The following CCDC141 variants were observed in gnomAD, a reference collection of about 807,000 sequenced individuals.
CCDC141 encodes coiled-coil domain-containing protein 141.
CCDC141 carries 168 observed loss-of-function variants against 181.0 expected under a neutral mutation model. The ratio of observed to expected loss-of-function variants is 0.93; its 90% CI spans 0.82 to 1.05. CCDC141 has a LOEUF of 1.05. Ranked by LOEUF, CCDC141 falls within the 50% of genes least tolerant of loss-of-function variation. CCDC141 has a pLI of 0.00. For missense variants in CCDC141, 1,902 were observed against 1,788.5 expected, an observed-to-expected ratio of 1.06 and a Z score of -1.14; for synonymous variants, 666 against 642.3, an observed-to-expected ratio of 1.04 and a Z score of -0.56.
intron 7 of CCDC141, among the ~76,000 whole-genome samples, chr2:178,914,718 T>G (rs1342098778): frequency 6.6e-6 from 1 of 152,202 alleles, no homozygotes; most frequent in Non-Finnish European, 1.5e-5. Context: ...TTTAGAACAA[T>G]GCCTGACACA....
At chr2:178,985,212 G>A (rs981770489) in intron 2 of CCDC141, among the ~76,000 whole-genome samples, 2 of 151,526 alleles carry the variant, frequency 1.3e-5, no homozygotes, top group East Asian at 1.9e-4. Context: ...GCTCCTGAAT[G>A]ACTACTGGGT....
intron 4 of CCDC141, among the ~76,000 whole-genome samples, chr2:178,972,644 C>A (rs896996463): frequency 5.3e-5 from 8 of 152,090 alleles, no homozygotes; most frequent in Non-Finnish European, 1.2e-4. Flanking sequence ...TTGAGGGCAA[C>A]CAGGCCAGTA....
chr2:178,986,905 T>C (rs1009977758), intron 2 of CCDC141, among the ~76,000 whole-genome samples: 23 of 152,004 alleles, frequency 1.5e-4, no homozygotes, highest in South Asian at 1.0e-3. Context: ...AGGTAATTTA[T>C]AGATTCAATG....
At chr2:178,983,177 A>T (rs1691521251) in intron 2 of CCDC141, among the ~76,000 whole-genome samples, 1 of 152,170 alleles carries the variant, frequency 6.6e-6, no homozygotes, top group Non-Finnish European at 1.5e-5. Flanking sequence ...GACCAGCCTA[A>T]CTGGGAGGCA....
Position 178,865,885 on chromosome 2 carries a change from T to C in CCDC141, c.2606A>G (p.Gln869Arg), listed in dbSNP as rs529827464. 9.1e-5 allele frequency: 146 copies of C among 1,597,226 alleles called. 1 individual carries two copies. In the South Asian group the frequency reaches 1.4e-3, roughly 16 times the overall value. Residue 869 changes from glutamine (Q) to arginine (R), a missense_variant, in exon 17 of 24, where the codon CAG becomes CGG. Coordinates refer to ENST00000443758, the MANE Select transcript of CCDC141 (RefSeq NM_173648.4). ...HCSNVSAKNL[Q>R]QQLELLEEDS... The stretch of plus-strand genomic sequence containing the variant: ...CTCCTCAAGGAGCTCCAGCTGCTGC[T>C]GTAGGTTCTTTGCAGAAACATTAGA...
chr2:178,953,931 T>A (rs559606111), intron 5 of CCDC141, among the ~76,000 whole-genome samples: 1 of 152,350 alleles, frequency 6.6e-6, no homozygotes, highest in South Asian at 2.1e-4. Flanking sequence ...ATCTCTAATA[T>A]CATTTACATT....
chr2:178,874,380 A>G (rs1055592012), intron 12 of CCDC141: 20 of 152,228 alleles, frequency 1.3e-4, no homozygotes, highest in African/African-American at 4.6e-4. Context: ...GCACAGTAGT[A>G]AAATATATGC....
chr2:178,957,155 G>C (rs1241517263), intron 5 of CCDC141, among the ~76,000 whole-genome samples: 1 of 152,192 alleles, frequency 6.6e-6, no homozygotes, highest in African/African-American at 2.4e-5. Context: ...TTACAGTCGT[G>C]AGCCACCGGG....
In CCDC141 at chr2:178,872,156, C is replaced by A; in HGVS notation, c.2056G>T (p.Ala686Ser). The change falls in exon 13 of 24, where the codon GCA becomes TCA. Residue 686 changes from alanine to serine, a missense_variant. Ala to Ser is a moderately conservative substitution (Grantham distance 99, BLOSUM62 1). Transcript: ENST00000443758. ...ESKPGKQQWAAFKEQLKKTSH... is the reference protein window; with the variant it reads ...ESKPGKQQWASFKEQLKKTSH... ...ACCTTTTTAAGTTGCTCTTTGAATG[C>A]CGCCCACTGCTGTTTTCCAGGCTTG... 1 of 1,613,434 alleles carries A rather than the reference C, an allele frequency of 6.2e-7. No homozygotes were observed. Among genetic ancestry groups the A allele is most frequent in the Non-Finnish European group, 8.5e-7 (1 of 1,179,768 alleles).
At chr2:178,894,730 G>A (rs1282101320) in intron 8 of CCDC141, among the ~76,000 whole-genome samples, 5 of 151,940 alleles carry the variant, frequency 3.3e-5, no homozygotes, top group Non-Finnish European at 5.9e-5. Flanking sequence ...AGTTAAAATA[G>A]TGAAAAAATA....
the CCDC141 span, chr2:178,817,420 G>T: frequency 2.2e-6 from 1 of 454,372 alleles, no homozygotes; most frequent in East Asian, 7.0e-5. Flanking sequence ...GTACTTCCTA[G>T]AATCAGAAAG....
intron 7 of CCDC141, among the ~76,000 whole-genome samples, chr2:178,911,796 T>C (rs1244820991): frequency 6.6e-6 from 1 of 152,148 alleles, no homozygotes; most frequent in African/African-American, 2.4e-5. Flanking sequence ...AGAGAAATAT[T>C]ATGGAAATGA....
chr2:178,944,780 T>C (rs1558997858), intron 5 of CCDC141, 129 bp from the exon 6 acceptor site: 2 of 431,800 alleles, frequency 4.6e-6, no homozygotes, highest in Non-Finnish European at 8.2e-6. Flanking sequence ...AACCATCTCA[T>C]GTATTAAAAT....
chr2:178,961,307 C>G lies in CCDC141; in HGVS notation c.703G>C (p.Asp235His). 1 of 1,550,530 alleles carries G rather than the reference C, an allele frequency of 6.4e-7. No individual in the cohort carries two copies. The highest frequency in any genetic ancestry group is 8.7e-7 in the Non-Finnish European group (1 of 1,146,928). ...TGCCACTGTTGCTTCAAGTACTTGT[C>G]TAGTTGTCTTCTCCTGTCTTGTAGA... Reference protein sequence around the residue: ...ELLQDRRRQLDKYLKQQWQEL... With the variant: ...ELLQDRRRQLHKYLKQQWQEL... Residue 235 changes from aspartate to histidine, a missense_variant, in exon 5 of 24, where the codon GAC becomes CAC. Physicochemically the swap from Asp to His is moderately conservative, Grantham distance 81. Coordinates refer to ENST00000443758, the MANE Select transcript of CCDC141 (RefSeq NM_173648.4).
At chr2:178,823,175 G>C in the CCDC141 span, among the ~76,000 whole-genome samples, 1 of 21,428 alleles carries the variant, frequency 4.7e-5, no homozygotes, top group Non-Finnish European at 1.1e-4. Context: ...TAACCACCAT[G>C]ATTATTTTTT....
intron 2 of CCDC141, among the ~76,000 whole-genome samples, chr2:179,011,646 T>C (rs1559045898): frequency 6.6e-6 from 1 of 152,056 alleles, no homozygotes; most frequent in Non-Finnish European, 1.5e-5. Context: ...ATACAGAACA[T>C]TTCATCCAAC....
rs148134869 is a variant in CCDC141 at position 178,990,274 on chromosome 2, G to A, written c.226-11599C>T. On this transcript the variant is annotated intron_variant, in intron 2 of 23. Coordinates refer to ENST00000443758, the MANE Select transcript of CCDC141 (RefSeq NM_173648.4). ...CTGCTTTAAAAAAAAAAACATGTTG[G>A]CATTTCCTCAAAAAGTCAAACACAG... 7.3e-5 allele frequency among the ~76,000 whole-genome samples: 11 copies of A among 151,172 alleles called. No homozygotes were observed. In the East Asian group the frequency reaches 2.1e-3, roughly 29 times the overall value.
intron 8 of CCDC141, among the ~76,000 whole-genome samples, chr2:178,892,106 T>C (rs1200661203): frequency 6.6e-6 from 1 of 152,210 alleles, no homozygotes; most frequent in Non-Finnish European, 1.5e-5. Context: ...CAATGATGAC[T>C]TGCACTTTTG....
intron 23 of CCDC141, chr2:178,836,337 C>T (rs1684474773): frequency 6.6e-6 from 1 of 152,634 alleles, no homozygotes; most frequent in Non-Finnish European, 1.5e-5. Flanking sequence ...TTGCCTGTCA[C>T]CTGGAGGAAC....
Sources: allele counts gnomAD v4.1 joint callset (sites outside exome capture counted in the v4.1 genomes callset), GRCh38; gene constraint gnomAD v4.1.1; transcripts MANE v1.5; gene names NCBI Gene and HGNC (gene_info 2026-07-23, HGNC 2026-07-21).